The following FN1 variants were observed in gnomAD, a reference collection of about 807,000 sequenced individuals.
FN1 encodes fibronectin.
Under a neutral mutation model 297.3 loss-of-function variants are expected in FN1, and 106 were observed. The observed-to-expected ratio is 0.36, with a 90% confidence interval of 0.30 to 0.42. The LOEUF (loss-of-function observed/expected upper bound fraction) is 0.42, where lower values mean the gene tolerates loss of function less well. Among genes scored for constraint, FN1 ranks in the 10% least tolerant of loss-of-function variants. The pLI, the probability that FN1 is intolerant of heterozygous loss-of-function variation, is 1.00. For synonymous variants in FN1, 1,149 were observed against 1,152.6 expected (o/e 1.00, Z 0.06); for missense variants, 2,690 against 3,124.9 (o/e 0.86, Z 3.32).
intron 28 of FN1, among the ~76,000 whole-genome samples, chr2:215,385,407 CA>C (rs1394502789): frequency 6.6e-6 from 1 of 150,724 alleles, no homozygotes; most frequent in East Asian, 2.0e-4. Flanking sequence ...ACTAAAAATA[CA>C]AAAATTAGCC....
chr2:215,398,930 C>T (rs894656404), intron 21 of FN1, among the ~76,000 whole-genome samples: 1 of 152,194 alleles, frequency 6.6e-6, no homozygotes, highest in African/African-American at 2.4e-5. Flanking sequence ...TAGAACAACA[C>T]ATCAAATAAA....
chr2:215,413,569 C>T (rs1042140279), intron 13 of FN1, among the ~76,000 whole-genome samples: 1 of 152,170 alleles, frequency 6.6e-6, no homozygotes, highest in African/African-American at 2.4e-5. Context: ...TCCCTCAATC[C>T]CATCCTCATC....
At chr2:215,383,874 T>A (rs1047463308) in intron 30 of FN1, 146 bp downstream of exon 30, 7 of 871,660 alleles carry the variant, frequency 8.0e-6, no homozygotes, top group Non-Finnish European at 1.1e-5. Context: ...GGCTCAAAAC[T>A]CTGTTCGCTG....
At chr2:215,433,093 T>C (rs559541285) in intron 3 of FN1, among the ~76,000 whole-genome samples, 4 of 152,162 alleles carry the variant, frequency 2.6e-5, no homozygotes, top group Admixed American at 2.6e-4. Context: ...CACTCATAAA[T>C]GCACACACAC....
chr2:215,385,540 C>T (rs11897252), intron 28 of FN1, among the ~76,000 whole-genome samples: 41,063 of 139,926 alleles, frequency 0.29, 6,547 homozygotes, highest in East Asian at 0.79. Flanking sequence ...CCAGCCTGGG[C>T]GACAGAGCAA....
chr2:215,364,696 G>A, intron 44 of FN1, 183 bp downstream of exon 44: 1 of 626,844 alleles, frequency 1.6e-6, no homozygotes, highest in Non-Finnish European at 2.9e-6. Context: ...AAGAATGAAT[G>A]GCATGTAAGG....
chr2:215,404,263 G>T lies in FN1; in HGVS notation c.3253+126C>A. The T allele has an allele frequency of 5.0e-6, 5 of 996,114 alleles. No individual in the cohort carries two copies. The East Asian group carries it at 1.0e-4, about 20-fold the overall frequency. The allele number at this position is 996,114 out of a possible 1,614,324, so 61.7% of individuals were successfully genotyped here. ...AGCCAGTCTATGGAGCACATTTTTA[G>T]TATCACTGATTTAAATTATGTACTA... On this transcript the variant is annotated intron_variant, in intron 20 of 45. Transcript: ENST00000354785.
chr2:215,396,348 G>A (rs2060313091), intron 23 of FN1, among the ~76,000 whole-genome samples: 1 of 152,122 alleles, frequency 6.6e-6, no homozygotes, highest in African/African-American at 2.4e-5. Context: ...AAAATTTCCT[G>A]TTATTGCTAT....
chr2:215,375,479 C>T (rs2057107639), intron 37 of FN1, 86 bp from the exon 38 acceptor site: 3 of 1,367,774 alleles, frequency 2.2e-6, no homozygotes, highest in Non-Finnish European at 3.1e-6. Context: ...GTTCTAAACA[C>T]ACTTAAAAGA....
chr2:215,369,356 A>G (rs2055353643), intron 41 of FN1, among the ~76,000 whole-genome samples: 1 of 152,218 alleles, frequency 6.6e-6, no homozygotes. Flanking sequence ...ACAAACACAA[A>G]ATAATCTCCT....
chr2:215,408,544 GTAATGTGCTAATAGC>G (rs748633607), intron 15 of FN1, 118 bp from the exon 16 acceptor site: 5 of 962,498 alleles, frequency 5.2e-6, no homozygotes, highest in Non-Finnish European at 8.3e-6. Context: ...CGACTAGAAG[GTAATGTGCTAATAGC>G]TAATCAGTGA....
At position 215,420,678 on chromosome 2, in the gene FN1, G is replaced by A. The variant is rs201863538; in HGVS notation, c.1670C>T (p.Pro557Leu). ...AGGGAAATAGGGCTACTCACCGACG[G>A]GATCACACTTCCACCTGCCCCGACC... is the stretch of plus-strand genomic sequence containing the variant. ...GQGRGRWKCD[P>L]VDQCQDSETG... is the part of the protein sequence containing the mutation. Residue 557 changes from proline (P) to leucine (L), a missense_variant, in exon 11 of 46, where the codon CCC (proline) becomes CTC (leucine). Physicochemically the swap from Pro to Leu is moderately conservative, Grantham distance 98. Coordinates refer to ENST00000354785, the MANE Select transcript of FN1 (RefSeq NM_212482.4). The A allele has an allele frequency of 1.9e-5, 31 of 1,613,930 alleles. No individual in the cohort carries two copies. Among genetic ancestry groups the A allele is most frequent in the Non-Finnish European group, 2.5e-5 (30 of 1,179,994 alleles).
In FN1 at chr2:215,393,397, A is replaced by G. The variant is rs186915582; in HGVS notation, c.3797-194T>C. On this transcript the variant is annotated intron_variant, in intron 24 of 45. Coordinates refer to ENST00000354785, the MANE Select transcript of FN1 (RefSeq NM_212482.4). ...AGCATCATGAACAGTTTGCTTCCCT[A>G]GAAGAATAAACAGGAATATTCTTTT... is the stretch of plus-strand genomic sequence containing the variant. The G allele has an allele frequency of 1.1e-4, 53 of 473,380 alleles. No homozygotes were observed. In the Admixed American group the frequency reaches 1.3e-3, roughly 12 times the overall value. The allele number at this position is 473,380 out of a possible 1,614,324, so 29.3% of individuals were successfully genotyped here.
At position 215,375,618 on chromosome 2, in the gene FN1, G is replaced by A. The variant is rs2057142347; in HGVS notation, c.5977+11C>T. On this transcript the variant is annotated intron_variant, in intron 37 of 45. Coordinates refer to ENST00000354785, the MANE Select transcript of FN1 (RefSeq NM_212482.4). ...AGTCAATGGCATTTCCTCAGTAGAA[G>A]GTATAGTTACCAGTGGAGGCGTCGA... 1.9e-6 allele frequency: 3 copies of A among 1,577,030 alleles called. No individual in the cohort carries two copies. Among genetic ancestry groups the A allele is most frequent in the Non-Finnish European group, 2.6e-6 (3 of 1,146,478 alleles).
chr2:215,365,743 T>C lies in FN1; in HGVS notation c.7019-113A>G, dbSNP rs773494813. ...TCTTCAGAACCATGATCTGGAAAAA[T>C]AGCAAGTTAAAGATAAAAACCCCTA... is the stretch of plus-strand genomic sequence containing the variant. On this transcript the variant is annotated intron_variant, in intron 42 of 45. Coordinates refer to ENST00000354785, the MANE Select transcript of FN1 (RefSeq NM_212482.4). 13 of 911,222 alleles carry C rather than the reference T, an allele frequency of 1.4e-5. No homozygotes were observed. The East Asian group carries it at 1.6e-4, about 11-fold the overall frequency. 56.4% of individuals were successfully genotyped at this position (911,222 alleles called of 1,614,324 possible). A position where few individuals can be genotyped will look rare whatever the true frequency, so the allele number is the denominator to read the frequency against.
At position 215,380,964 on chromosome 2, in the gene FN1, C is replaced by T. The variant is rs529091493; in HGVS notation, c.5281G>A (p.Glu1761Lys). ...GGGAATAGCTCATGGATTCCATCCT[C>T]AGGGCTCGAGTAGGTCACCCTGTAC... ...SRYRVTYSSP[E>K]DGIHELFPAP... is the part of the protein sequence containing the mutation. Residue 1761 changes from glutamate (E) to lysine (K), a missense_variant, in exon 33 of 46, where the codon GAG (glutamate) becomes AAG (lysine). Glu to Lys is a moderately conservative substitution (Grantham distance 56, BLOSUM62 1). This residue lies in a region of FN1 where 1,743 missense variants were observed against 1,945.2 expected (regional missense o/e 0.90). Coordinates refer to ENST00000354785, the MANE Select transcript of FN1 (RefSeq NM_212482.4). 2 of 1,614,242 alleles carry T rather than the reference C, an allele frequency of 1.2e-6. No homozygotes were observed. Among genetic ancestry groups the T allele is most frequent in the African/African-American group, 2.7e-5 (2 of 75,050 alleles).
intron 12 of FN1, among the ~76,000 whole-genome samples, chr2:215,418,370 T>C (rs182146883): frequency 2.0e-5 from 3 of 152,360 alleles, no homozygotes; most frequent in Admixed American, 1.3e-4. Context: ...CCATAGCTTG[T>C]TCTCTGTCAC....
At chr2:215,400,803 A>AT (rs1230086225) in intron 20 of FN1, among the ~76,000 whole-genome samples, 15 of 146,910 alleles carry the variant, frequency 1.0e-4, no homozygotes, top group Admixed American at 1.4e-4. Flanking sequence ...TACTTAAACA[A>AT]TTTTTTTTTT....
intron 3 of FN1, 123 bp downstream of exon 3, chr2:215,433,201 G>A: frequency 8.3e-7 from 1 of 1,211,292 alleles, no homozygotes; most frequent in South Asian, 1.2e-5. Flanking sequence ...AGAGTACCTG[G>A]TCACCAGGGG....
Sources: allele counts gnomAD v4.1 joint callset (sites outside exome capture counted in the v4.1 genomes callset), GRCh38; gene constraint gnomAD v4.1.1; regional missense constraint gnomAD v4.1.1; transcripts MANE v1.5; gene names NCBI Gene and HGNC (gene_info 2026-07-23, HGNC 2026-07-21).